The following MOXD1 variants were observed in gnomAD, a reference collection of about 807,000 sequenced individuals.
MOXD1 encodes the protein monooxygenase DBH like 1.
MOXD1 carries 62 observed loss-of-function variants against 66.6 expected under a neutral mutation model. The observed-to-expected ratio is 0.93, with a 90% CI of 0.76 to 1.15. The LOEUF is 1.15. Ranked by LOEUF, MOXD1 falls within the 50% of genes most tolerant of loss-of-function variation. The pLI, the probability that MOXD1 is intolerant of heterozygous loss-of-function variation, is 0.00. For missense variants in MOXD1, 847 were observed against 754.6 expected (o/e 1.12, Z -1.44); for synonymous variants, 303 against 281.9 (o/e 1.07, Z -0.75).
intron 9 of MOXD1, among the ~76,000 whole-genome samples, chr6:132,319,350 A>G (rs116315075): frequency 0.014 from 2,117 of 151,868 alleles, 58 homozygotes; most frequent in African/African-American, 0.049. Flanking sequence ...GAATAGAAGT[A>G]TTTTCTTTAT....
At chr6:132,359,411 G>T (rs544871966) in intron 4 of MOXD1, among the ~76,000 whole-genome samples, 1 of 151,544 alleles carries the variant, frequency 6.6e-6, no homozygotes, top group Admixed American at 6.6e-5. Flanking sequence ...ACATGCACAT[G>T]TGTGCAATTA....
At chr6:132,329,445 T>C (rs1413317829) in intron 4 of MOXD1, among the ~76,000 whole-genome samples, 3 of 152,072 alleles carry the variant, frequency 2.0e-5, no homozygotes, top group African/African-American at 4.8e-5. Context: ...TGTGCATGTG[T>C]CTTTATAGCA....
intron 1 of MOXD1, among the ~76,000 whole-genome samples, chr6:132,399,362 G>A (rs1030364003): frequency 6.6e-6 from 1 of 152,214 alleles, no homozygotes; most frequent in African/African-American, 2.4e-5. Context: ...CTCATTAAAT[G>A]TATTGAGAAT....
intron 11 of MOXD1, 56 bp downstream of exon 11, chr6:132,297,731 T>G (rs528820731): frequency 1.3e-6 from 2 of 1,514,632 alleles, no homozygotes; most frequent in African/African-American, 2.8e-5. Context: ...GGTTTTCCTG[T>G]AATAGATTCA....
chr6:132,297,017 G>T lies in MOXD1; in HGVS notation c.*136C>A. The T allele has an allele frequency of 1.3e-6, 1 of 789,380 alleles. No homozygotes were observed. Among genetic ancestry groups the T allele is most frequent in the South Asian group, 2.1e-5 (1 of 46,602 alleles). 48.9% of individuals were successfully genotyped at this position (789,380 alleles called of 1,614,324 possible). A position where few individuals can be genotyped will look rare whatever the true frequency, so the allele number is the denominator to read the frequency against. ...TGATGTCTCTCATGTAACATGGAAA[G>T]GAAAAAGGAGGGAGGGAAAATGGGG... is the stretch of plus-strand genomic sequence containing the variant. On this transcript the variant is annotated 3_prime_UTR_variant, in exon 12 of 12. Transcript: ENST00000367963.
chr6:132,330,020 A>G (rs1031090259), intron 4 of MOXD1, among the ~76,000 whole-genome samples: 3 of 152,202 alleles, frequency 2.0e-5, no homozygotes, highest in Admixed American at 6.5e-5. Flanking sequence ...CCTTCATAAC[A>G]CTTGCCCACT....
intron 1 of MOXD1, among the ~76,000 whole-genome samples, chr6:132,379,207 C>G (rs1350935537): frequency 6.6e-6 from 1 of 151,712 alleles, no homozygotes; most frequent in South Asian, 2.1e-4. Flanking sequence ...GTTGTCTTAA[C>G]ATTAGAAAAT....
Position 132,372,611 on chromosome 6 carries a change from T to C in MOXD1, c.660A>G (p.Ile220Met). The change falls in exon 4 of 12, where the codon ATA becomes ATG. Residue 220 changes from isoleucine (I) to methionine (M), a missense_variant. Physicochemically the swap from Ile to Met is conservative, Grantham distance 10. Transcript: ENST00000367963. ...IPVFQEKHHV[I>M]KVEPVIQRGH... ...AGCCTATGAATGAGTCACATACCTT[T>C]ATTACATGATGCTTTTCTTGGAACA... 6.2e-7 allele frequency: 1 copy of C among 1,610,832 alleles called. No individual in the cohort carries two copies. The highest frequency in any genetic ancestry group is 1.1e-5 in the South Asian group (1 of 91,000).
In MOXD1 at chr6:132,397,612, CAGAG is replaced by C. The variant is rs58540885; in HGVS notation, c.264+3547_264+3550del. ...ATTTAAACACACACACACACACTCA[CAGAG>C]AGAGAGAGAGAGAGAGAGACAGAAA... is the stretch of plus-strand genomic sequence containing the variant. On this transcript the variant is annotated intron_variant, in intron 1 of 11. Coordinates refer to ENST00000367963, the MANE Select transcript of MOXD1 (RefSeq NM_015529.4). Among the ~76,000 whole-genome samples, 1,032 of 137,202 alleles carry C rather than the reference CAGAG, an allele frequency of 7.5e-3. 14 individuals are homozygous for C. The highest frequency in any genetic ancestry group is 0.02 in the African/African-American group (742 of 36,622). The allele number at this position is 137,202 out of a possible 152,430, so 90.0% of individuals were successfully genotyped here. A position where few individuals can be genotyped will look rare whatever the true frequency, so the allele number is the denominator to read the frequency against.
intron 4 of MOXD1, among the ~76,000 whole-genome samples, chr6:132,332,964 A>G (rs1452405982): frequency 2.6e-5 from 4 of 152,166 alleles, no homozygotes; most frequent in Admixed American, 1.3e-4. Flanking sequence ...GTAACTGTCC[A>G]CGGAAAAGAC....
At chr6:132,336,502 A>G (rs1474872131) in intron 4 of MOXD1, among the ~76,000 whole-genome samples, 2 of 152,114 alleles carry the variant, frequency 1.3e-5, no homozygotes. Context: ...CCTCATCCCT[A>G]ACAGGAACGG....
chr6:132,381,385 A>G (rs1776505415), intron 1 of MOXD1, among the ~76,000 whole-genome samples: 1 of 152,192 alleles, frequency 6.6e-6, no homozygotes, highest in African/African-American at 2.4e-5. Flanking sequence ...TGCTGTCAAT[A>G]TTATACAACA....
chr6:132,314,188 C>T (rs144523684), intron 10 of MOXD1, among the ~76,000 whole-genome samples: 15 of 152,340 alleles, frequency 9.8e-5, no homozygotes, highest in African/African-American at 3.1e-4. Flanking sequence ...CACACCATCA[C>T]TGAGCCTTTA....
intron 1 of MOXD1, among the ~76,000 whole-genome samples, chr6:132,386,108 A>G (rs1373201096): frequency 7.2e-6 from 1 of 138,066 alleles, no homozygotes; most frequent in Non-Finnish European, 1.5e-5. Context: ...GTCTCAAAAA[A>G]AAAAAAAGAA....
chr6:132,346,677 C>T (rs955682355), intron 4 of MOXD1, among the ~76,000 whole-genome samples: 4 of 152,064 alleles, frequency 2.6e-5, no homozygotes, highest in Non-Finnish European at 5.9e-5. Context: ...AATAAATTTG[C>T]TTTAGAACCG....
At chr6:132,342,289 C>T (rs1775579733) in intron 4 of MOXD1, among the ~76,000 whole-genome samples, 1 of 152,132 alleles carries the variant, frequency 6.6e-6, no homozygotes, top group African/African-American at 2.4e-5. Context: ...CGTGAGCCAC[C>T]ACGCCTGGCC....
chr6:132,340,638 A>ATTTTTTTTTTTTTT lies in MOXD1; in HGVS notation c.664-12058_664-12045dup, dbSNP rs869205496. On this transcript the variant is annotated intron_variant, in intron 4 of 11. Transcript: ENST00000367963. ...ACAACATGCTAAAACAACAAGACTC[A>ATTTTTTTTTTTTTT]TTTTTTTTTTTTTTTTTTTTTTTTT... Among the ~76,000 whole-genome samples the ATTTTTTTTTTTTTT allele has an allele frequency of 5.1e-4, 50 of 98,784 alleles. 7 individuals are homozygous for ATTTTTTTTTTTTTT. Among genetic ancestry groups the ATTTTTTTTTTTTTT allele is most frequent in the African/African-American group, 2.1e-3 (47 of 22,562 alleles). The allele number at this position is 98,784 out of a possible 152,430, so 64.8% of individuals were successfully genotyped here. A position where few individuals can be genotyped will look rare whatever the true frequency, so the allele number is the denominator to read the frequency against.
intron 4 of MOXD1, among the ~76,000 whole-genome samples, chr6:132,334,783 G>A (rs1044669761): frequency 5.3e-5 from 8 of 152,156 alleles, no homozygotes; most frequent in Non-Finnish European, 1.2e-4. Context: ...TGATGCAAAG[G>A]ACACAATATG....
At chr6:132,374,486 T>TAAA in intron 2 of MOXD1, 145 bp downstream of exon 2, 2 of 840,142 alleles carry the variant, frequency 2.4e-6, no homozygotes, top group Non-Finnish European at 3.2e-6. Flanking sequence ...AAGAAAAAAC[T>TAAA]AAAAAAAAAA....
Sources: gnomAD v4.1 joint callset for allele counts (sites outside exome capture counted in the v4.1 genomes callset) on GRCh38, gnomAD v4.1.1 for gene constraint, MANE v1.5 for transcripts, NCBI Gene and HGNC (gene_info 2026-07-23, HGNC 2026-07-21) for gene names.